Variants in PSD3 observed in about 807,000 individuals in gnomAD.
PSD3 encodes pleckstrin and Sec7 domain containing 3.
Under a neutral mutation model 105.5 loss-of-function variants are expected in PSD3, and 49 were observed. The ratio of observed to expected loss-of-function variants is 0.46; its 90% CI spans 0.37 to 0.59. The LOEUF is 0.59. PSD3 is among the 20% of genes least tolerant of loss of function. PSD3 has a pLI of 0.00. For synonymous variants in PSD3, 557 were observed against 457.8 expected (o/e 1.22, Z -2.77); for missense variants, 1,561 against 1,263.8 (o/e 1.24, Z -3.57).
intron 14 of PSD3, among the ~76,000 whole-genome samples, chr8:18,565,057 C>A (rs1038334869): frequency 1.3e-5 from 2 of 152,134 alleles, no homozygotes; most frequent in Non-Finnish European, 2.9e-5. Context: ...GGCACAGGTT[C>A]CTACAGTGTA....
At chr8:18,940,351 T>G (rs972188862) in intron 1 of PSD3, 1 of 152,206 alleles carries the variant, frequency 6.6e-6, no homozygotes, top group African/African-American at 2.4e-5. Flanking sequence ...TTCCTAAAAG[T>G]TCCCTGGTGA....
intron 6 of PSD3, chr8:18,803,414 T>TGTGTGTGTGC (rs1029223474): frequency 6.6e-6 from 1 of 152,402 alleles, no homozygotes; most frequent in African/African-American, 2.4e-5. Flanking sequence ...TGTGTGTGTG[T>TGTGTGTGTGC]GTGTGTTAAA....
chr8:18,592,021 A>G (rs555722865), intron 12 of PSD3, among the ~76,000 whole-genome samples: 115 of 152,318 alleles, frequency 7.5e-4, no homozygotes, highest in Middle Eastern at 3.4e-3. Flanking sequence ...TACAGCTACA[A>G]GAGACAGAAC....
At chr8:18,831,516 G>A (rs1813679757) in intron 4 of PSD3, among the ~76,000 whole-genome samples, 1 of 152,294 alleles carries the variant, frequency 6.6e-6, no homozygotes, top group South Asian at 2.1e-4. Flanking sequence ...GAGGTCCGGA[G>A]TTTGAGAGCA....
At chr8:18,952,155 G>C (rs1290789125) in intron 1 of PSD3, among the ~76,000 whole-genome samples, 2 of 152,046 alleles carry the variant, frequency 1.3e-5, no homozygotes, top group Admixed American at 6.6e-5. Context: ...TTCACCAAGA[G>C]GTGTCCTCAA....
intron 13 of PSD3, among the ~76,000 whole-genome samples, chr8:18,573,402 G>A (rs758420288): frequency 4.6e-5 from 7 of 152,096 alleles, no homozygotes; most frequent in Non-Finnish European, 7.3e-5. Context: ...CCTGGGAGGC[G>A]GAGGTTGCAG....
chr8:18,709,380 C>A (rs540202370), intron 9 of PSD3, among the ~76,000 whole-genome samples: 69 of 152,336 alleles, frequency 4.5e-4, no homozygotes, highest in African/African-American at 1.5e-3. Context: ...GGGGCGGCCA[C>A]TGTCTCTGGT....
intron 15 of PSD3, among the ~76,000 whole-genome samples, chr8:18,554,578 T>G (rs1250093911): frequency 6.6e-6 from 1 of 152,158 alleles, no homozygotes; most frequent in African/African-American, 2.4e-5. Context: ...AATCAAATGC[T>G]ACATTTGATA....
At chr8:18,916,283 G>T (rs1820576727) in intron 2 of PSD3, among the ~76,000 whole-genome samples, 1 of 102,114 alleles carries the variant, frequency 9.8e-6, no homozygotes, top group Non-Finnish European at 1.9e-5. Flanking sequence ...TTGCTGAATG[G>T]ATTTAAAAAA....
At chr8:18,752,337 T>C (rs1805559461) in intron 9 of PSD3, among the ~76,000 whole-genome samples, 1 of 148,106 alleles carries the variant, frequency 6.8e-6, no homozygotes, top group Admixed American at 7.0e-5. Context: ...AGAATTACAC[T>C]AGGTATGAGG....
intron 2 of PSD3, among the ~76,000 whole-genome samples, chr8:18,927,282 T>C (rs914816445): frequency 6.6e-6 from 1 of 152,078 alleles, no homozygotes; most frequent in African/African-American, 2.4e-5. Context: ...GGCGCAACCT[T>C]GGCTCATTGC....
chr8:18,910,148 A>C (rs1380024334), intron 2 of PSD3, among the ~76,000 whole-genome samples: 1 of 152,058 alleles, frequency 6.6e-6, no homozygotes, highest in African/African-American at 2.4e-5. Flanking sequence ...TATATACCCA[A>C]ATGAGTATAA....
chr8:18,833,357 A>G (rs1429106690), intron 4 of PSD3, among the ~76,000 whole-genome samples: 3 of 152,240 alleles, frequency 2.0e-5, no homozygotes, highest in African/African-American at 7.2e-5. Context: ...CACTGACAGC[A>G]CCATCAAAAC....
At chr8:18,711,849 A>C (rs915038692) in intron 9 of PSD3, among the ~76,000 whole-genome samples, 1 of 152,234 alleles carries the variant, frequency 6.6e-6, no homozygotes, top group African/African-American at 2.4e-5. Context: ...ACCACATGGT[A>C]CTTACTCTAA....
intron 1 of PSD3, among the ~76,000 whole-genome samples, chr8:18,957,976 G>T (rs1823682229): frequency 6.6e-6 from 1 of 152,116 alleles, no homozygotes; most frequent in Admixed American, 6.5e-5. Context: ...TTAAGCTATT[G>T]CTACCACAAT....
intron 2 of PSD3, among the ~76,000 whole-genome samples, chr8:18,913,022 T>A (rs2129464657): frequency 6.6e-6 from 1 of 151,592 alleles, no homozygotes; most frequent in East Asian, 1.9e-4. Flanking sequence ...TCAATAATTG[T>A]GTGATCATTA....
intron 9 of PSD3, among the ~76,000 whole-genome samples, chr8:18,662,823 C>G (rs1022040684): frequency 1.3e-5 from 2 of 152,152 alleles, no homozygotes; most frequent in Non-Finnish European, 2.9e-5. Flanking sequence ...AGCATGACTA[C>G]CTGCTCTCAA....
At chr8:18,693,060 TA>T (rs1801059390) in intron 9 of PSD3, among the ~76,000 whole-genome samples, 1 of 152,176 alleles carries the variant, frequency 6.6e-6, no homozygotes, top group Non-Finnish European at 1.5e-5. Flanking sequence ...AAGGCCGGGC[TA>T]CATAAAACAT....
chr8:18,776,415 G>A (rs918959034), intron 8 of PSD3, among the ~76,000 whole-genome samples: 15 of 147,274 alleles, frequency 1.0e-4, no homozygotes, highest in Non-Finnish European at 1.8e-4. Context: ...ACGGAGTCTC[G>A]ATCTCTTGCC....
Sources: allele counts gnomAD v4.1 joint callset (sites outside exome capture counted in the v4.1 genomes callset), GRCh38; gene constraint gnomAD v4.1.1; transcripts MANE v1.5; gene names NCBI Gene and HGNC (gene_info 2026-07-23, HGNC 2026-07-21).